Variants in SEC14L2 observed in about 807,000 individuals in gnomAD.
SEC14L2 encodes the protein SEC14-like protein 2.
SEC14L2 carries 50 observed loss-of-function variants against 56.9 expected under a neutral mutation model. That is an observed-to-expected ratio of 0.88 (90% CI 0.70 to 1.11). SEC14L2 has a LOEUF of 1.11. Ranked by LOEUF, SEC14L2 falls within the 50% of genes most tolerant of loss-of-function variation. The probability of loss-of-function intolerance (pLI) is 0.00; values close to 1 mark genes in which losing one functional copy is unlikely to be tolerated. For synonymous variants in SEC14L2, 179 were observed against 188.5 expected, an observed-to-expected ratio of 0.95 and a Z score of 0.41; for missense variants, 414 against 500.7, an observed-to-expected ratio of 0.83 and a Z score of 1.65.
intron 11 of SEC14L2, chr22:30,420,532 A>G (rs1038776413): frequency 6.6e-6 from 1 of 152,212 alleles, no homozygotes; most frequent in Non-Finnish European, 1.5e-5. Flanking sequence ...AGCATGGCTG[A>G]TTCTGGTTGC....
chr22:30,418,235 T>C (rs1934435440), intron 11 of SEC14L2, among the ~76,000 whole-genome samples: 1 of 152,118 alleles, frequency 6.6e-6, no homozygotes, highest in African/African-American at 2.4e-5. Flanking sequence ...ATTTTTTTAA[T>C]GGATGGGGAA....
intron 5 of SEC14L2, among the ~76,000 whole-genome samples, 166 bp downstream of exon 5, chr22:30,407,769 A>G (rs1934139980): frequency 6.9e-6 from 1 of 145,808 alleles, no homozygotes; most frequent in Non-Finnish European, 1.5e-5. Flanking sequence ...GGGTTTCATC[A>G]TGTTGGCCAG....
At chr22:30,409,117 T>C (rs763954476) in intron 5 of SEC14L2, 70 bp from the exon 6 acceptor site, 87 of 1,334,180 alleles carry the variant, frequency 6.5e-5, no homozygotes, top group Non-Finnish European at 9.2e-5. Context: ...TGCAATCATT[T>C]GGCCTGGACT....
Position 30,397,080 on chromosome 22 carries a change from TCCCGCCCCCAAACCCCATC to T in SEC14L2, c.-31_-13del. The T allele has an allele frequency of 6.5e-7, 1 of 1,540,264 alleles. No homozygotes were observed. The highest frequency in any genetic ancestry group is 8.8e-7 in the Non-Finnish European group (1 of 1,139,212). On this transcript the variant is annotated 5_prime_UTR_variant, in exon 1 of 12. Transcript: ENST00000615189. Reference sequence around the variant, plus strand: ...TCCATCAGCTGCCGCACCCGCCGCCTCCCGCCCCCAAACCCCATCCCCGCGGTTGAGCCACGATGAGCGG... The same window carrying T: ...TCCATCAGCTGCCGCACCCGCCGCCTCCCGCGGTTGAGCCACGATGAGCGG...
At chr22:30,406,409 T>G (rs1361865510) in intron 3 of SEC14L2, 24 bp downstream of exon 3, 1 of 1,613,392 alleles carries the variant, frequency 6.2e-7, no homozygotes, top group Non-Finnish European at 8.5e-7. Context: ...GGCTGTTGCT[T>G]CAGTTCCTCC....
rs936061589 is a variant in SEC14L2, at chr22:30,425,058, C to G, written c.*2651C>G. ...AGGGGCTCACCGTTCACTCCTCTAG[C>G]CTCATTTAGAGCTCGCATTAAGAGC... On this transcript the variant is annotated 3_prime_UTR_variant, in exon 12 of 12. Coordinates refer to ENST00000615189, the MANE Select transcript of SEC14L2 (RefSeq NM_012429.5). The G allele has an allele frequency of 9.6e-6, 3 of 311,490 alleles. No homozygotes were observed. Among genetic ancestry groups the G allele is most frequent in the Non-Finnish European group, 1.9e-5 (3 of 156,360 alleles). 19.3% of individuals were successfully genotyped at this position (311,490 alleles called of 1,614,324 possible). A position where few individuals can be genotyped will look rare whatever the true frequency, so the allele number is the denominator to read the frequency against.
chr22:30,411,055 G>A (rs570964076), intron 8 of SEC14L2, among the ~76,000 whole-genome samples: 90 of 152,136 alleles, frequency 5.9e-4, no homozygotes, highest in Middle Eastern at 3.4e-3. Flanking sequence ...TTGAGGCCAG[G>A]AGCTCAAGAC....
chr22:30,404,091 T>G (rs535234944), intron 2 of SEC14L2, among the ~76,000 whole-genome samples: 1 of 149,098 alleles, frequency 6.7e-6, no homozygotes, highest in Non-Finnish European at 1.5e-5. Flanking sequence ...CTATGGAAGA[T>G]TCTCATTTTC....
Position 30,397,045 on chromosome 22 carries a change from G to C in SEC14L2, c.-72G>C, listed in dbSNP as rs1230013235. The C allele has an allele frequency of 7.4e-6, 10 of 1,356,628 alleles. No individual in the cohort carries two copies. The highest frequency in any genetic ancestry group is 9.2e-6 in the Non-Finnish European group (9 of 974,622). 84.0% of individuals were successfully genotyped at this position (1,356,628 alleles called of 1,614,324 possible). On this transcript the variant is annotated 5_prime_UTR_variant, in exon 1 of 12. Coordinates refer to ENST00000615189, the MANE Select transcript of SEC14L2 (RefSeq NM_012429.5). ...CTTTACTCCGGGTGGCGGCGAGGAC[G>C]AGTCTGTGCTCCATCAGCTGCCGCA...
rs1353717766 is a variant in SEC14L2 at position 30,421,089 on chromosome 22, A to G, written c.1082-1188A>G. On this transcript the variant is annotated intron_variant, in intron 11 of 11. Transcript: ENST00000615189. ...ATACACTAAAATTGAAACAATACAG[A>G]GATTAGCATGGCCCCTGCGCGAGGA... is the stretch of plus-strand genomic sequence containing the variant. The G allele has an allele frequency of 2.0e-5, 3 of 152,230 alleles. No individual in the cohort carries two copies. The East Asian group carries it at 5.8e-4, about 29-fold the overall frequency. 9.4% of individuals were successfully genotyped at this position (152,230 alleles called of 1,614,324 possible).
chr22:30,408,950 A>C, intron 5 of SEC14L2: 1 of 588,668 alleles, frequency 1.7e-6, no homozygotes, highest in Admixed American at 2.4e-5. Flanking sequence ...CTCAGATGTC[A>C]TCTAGATCCA....
At chr22:30,418,456 T>C (rs1351421388) in intron 11 of SEC14L2, among the ~76,000 whole-genome samples, 2 of 152,210 alleles carry the variant, frequency 1.3e-5, no homozygotes, top group Non-Finnish European at 2.9e-5. Context: ...TTCCAGCATC[T>C]GCCCATTACC....
At chr22:30,418,827 C>A (rs1934447099) in intron 11 of SEC14L2, among the ~76,000 whole-genome samples, 1 of 152,156 alleles carries the variant, frequency 6.6e-6, no homozygotes. Flanking sequence ...ACCAGGAGAC[C>A]CCTGGAAAGC....
chr22:30,415,810 TG>T lies in SEC14L2; in HGVS notation c.718del (p.Glu240SerfsTer6). The T allele has an allele frequency of 6.2e-7, 1 of 1,614,100 alleles. No individual in the cohort carries two copies. The highest frequency in any genetic ancestry group is 8.5e-7 in the Non-Finnish European group (1 of 1,180,008). On this transcript the variant is annotated frameshift_variant, in exon 9 of 12. Coordinates refer to ENST00000615189, the MANE Select transcript of SEC14L2 (RefSeq NM_012429.5). LOFTEE classifies it high-confidence loss of function. ...CATATCAGCCCTGACCAGGTGCCTG[TG>T]GAGTATGGGGGCACCATGACTGACC... is the stretch of plus-strand genomic sequence containing the variant. The part of the protein sequence containing the change: ...LKHISPDQVP[V>X]EYGGTMTDPD...
chr22:30,402,966 G>A (rs1032518726), intron 2 of SEC14L2, among the ~76,000 whole-genome samples: 2 of 151,976 alleles, frequency 1.3e-5, no homozygotes, highest in African/African-American at 4.8e-5. Flanking sequence ...TGTAGTCCCA[G>A]CTACTCGGTA....
intron 8 of SEC14L2, among the ~76,000 whole-genome samples, chr22:30,413,025 G>A (rs1024001650): frequency 8.5e-5 from 13 of 152,152 alleles, no homozygotes; most frequent in Admixed American, 6.5e-5. Flanking sequence ...TGAGCTTGAG[G>A]AGTCTGTGAG....
chr22:30,397,813 A>G, intron 1 of SEC14L2: 1 of 470,256 alleles, frequency 2.1e-6, no homozygotes, highest in Non-Finnish European at 4.4e-6. Context: ...CCTATCTTGC[A>G]TCCCAGACCC....
chr22:30,424,892 C>A lies in SEC14L2; in HGVS notation c.*2485C>A. 2.2e-6 allele frequency: 1 copy of A among 448,832 alleles called. No homozygotes were observed. The highest frequency in any genetic ancestry group is 4.5e-6 in the Non-Finnish European group (1 of 221,828). The allele number at this position is 448,832 out of a possible 1,614,324, so 27.8% of individuals were successfully genotyped here. On this transcript the variant is annotated 3_prime_UTR_variant, in exon 12 of 12. Coordinates refer to ENST00000615189, the MANE Select transcript of SEC14L2 (RefSeq NM_012429.5). Reference sequence around the variant, plus strand: ...CTCTGTCTCCCTTGCCCGATTCATTCATTCGTTAATTAATTCATCCAACAT... The same window carrying A: ...CTCTGTCTCCCTTGCCCGATTCATTAATTCGTTAATTAATTCATCCAACAT...
chr22:30,410,709 A>G (rs1365281153), intron 8 of SEC14L2, 30 bp downstream of exon 8: 10 of 1,594,528 alleles, frequency 6.3e-6, no homozygotes, highest in Non-Finnish European at 8.6e-6. Flanking sequence ...CTCAACTCCA[A>G]AGGAGGGTCT....
Sources: gnomAD v4.1 joint callset for allele counts (sites outside exome capture counted in the v4.1 genomes callset) on GRCh38, gnomAD v4.1.1 for gene constraint, MANE v1.5 for transcripts, NCBI Gene and HGNC (gene_info 2026-07-23, HGNC 2026-07-21) for gene names.